The following GLIS3 variants were observed in gnomAD, a reference collection of about 807,000 sequenced individuals.
The protein encoded by GLIS3 is zinc finger protein GLIS3.
GLIS3 carries 53 observed loss-of-function variants against 78.6 expected under a neutral mutation model. That is an observed-to-expected ratio of 0.67 (90% CI 0.54 to 0.85). GLIS3 has a LOEUF of 0.85. GLIS3 is among the 40% of genes least tolerant of loss of function. The pLI, the probability that GLIS3 is intolerant of heterozygous loss-of-function variation, is 0.00. For missense variants in GLIS3, 1,703 were observed against 1,231.1 expected (o/e 1.38, Z -5.74); for synonymous variants, 684 against 509.9 (o/e 1.34, Z -4.60).
At chr9:4,273,577 A>G (rs34523277) in intron 2 of GLIS3, among the ~76,000 whole-genome samples, 46,517 of 149,408 alleles carry the variant, frequency 0.31, 7,888 homozygotes, top group Non-Finnish European at 0.36. Flanking sequence ...TGGGTGACAG[A>G]GCAAGACCTT....
the GLIS3 span, among the ~76,000 whole-genome samples, chr9:4,359,028 G>C: frequency 2.0e-5 from 3 of 152,280 alleles, no homozygotes; most frequent in African/African-American, 4.8e-5. Flanking sequence ...GTGGCTTGTA[G>C]AGGCAGAGAC....
chr9:4,193,743 T>C (rs954955034), intron 2 of GLIS3, among the ~76,000 whole-genome samples: 1 of 152,258 alleles, frequency 6.6e-6, no homozygotes, highest in African/African-American at 2.4e-5. Context: ...CTTGAGGATC[T>C]GTCTGTGCAG....
chr9:4,028,026 G>A (rs368737189), intron 4 of GLIS3, among the ~76,000 whole-genome samples: 2 of 152,006 alleles, frequency 1.3e-5, no homozygotes, highest in African/African-American at 2.4e-5. Context: ...AGCGCAACCC[G>A]GATCCACTAC....
In GLIS3 at chr9:4,059,804, T is replaced by TTGTGTGTGTG. The variant is rs138674422; in HGVS notation, c.1710+57954_1710+57963dup. 2.6e-3 allele frequency among the ~76,000 whole-genome samples: 285 copies of TTGTGTGTGTG among 107,638 alleles called. 8 individuals are homozygous for TTGTGTGTGTG. Among genetic ancestry groups the TTGTGTGTGTG allele is most frequent in the East Asian group, 0.018 (60 of 3,252 alleles). The allele number at this position is 107,638 out of a possible 152,430, so 70.6% of individuals were successfully genotyped here. On this transcript the variant is annotated intron_variant, in intron 4 of 10. Transcript: ENST00000381971. ...GGGCTTGTCACTTACTCAGCTTTAT[T>TTGTGTGTGTG]TGTGTGTGTGTGTGTGTGTGTGTGT... is the stretch of plus-strand genomic sequence containing the variant.
chr9:4,462,662 C>T, the GLIS3 span, among the ~76,000 whole-genome samples: 16 of 151,432 alleles, frequency 1.1e-4, no homozygotes, highest in Non-Finnish European at 2.1e-4. Context: ...CACACACACA[C>T]ATTAGCTGGG....
At chr9:3,898,515 T>A (rs1038827734) in intron 7 of GLIS3, 176 bp downstream of exon 7, 5 of 715,644 alleles carry the variant, frequency 7.0e-6, no homozygotes, top group Non-Finnish European at 1.3e-5. Flanking sequence ...GAAAAAACAA[T>A]CTGCTGCCAC....
the GLIS3 span, among the ~76,000 whole-genome samples, chr9:4,381,155 A>C: frequency 6.6e-6 from 1 of 152,224 alleles, no homozygotes; most frequent in Admixed American, 6.5e-5. Context: ...GAATGACTTT[A>C]CATTTTTAAG....
chr9:4,257,298 C>G (rs541696962), intron 2 of GLIS3, among the ~76,000 whole-genome samples: 1 of 151,856 alleles, frequency 6.6e-6, no homozygotes, highest in African/African-American at 2.4e-5. Context: ...AAATTGAATA[C>G]AGTACATAGA....
At position 4,206,939 on chromosome 9, in the gene GLIS3, G is replaced by A. The variant is rs530158073; in HGVS notation, c.388+79099C>T. Among the ~76,000 whole-genome samples, 4 of 152,306 alleles carry A rather than the reference G, an allele frequency of 2.6e-5. No homozygotes were observed. The East Asian group carries it at 5.8e-4, about 22-fold the overall frequency. ...TCCATGATACTGACAAACAACAACTGCTTAATATCCTTATTTGGACATTCG... is the reference window on the plus strand; with the variant it reads ...TCCATGATACTGACAAACAACAACTACTTAATATCCTTATTTGGACATTCG... On this transcript the variant is annotated intron_variant, in intron 2 of 10. Coordinates refer to ENST00000381971, the MANE Select transcript of GLIS3 (RefSeq NM_001042413.2).
chr9:4,280,985 T>C lies in GLIS3; in HGVS notation c.388+5053A>G, dbSNP rs182079348. On this transcript the variant is annotated intron_variant, in intron 2 of 10. Coordinates refer to ENST00000381971, the MANE Select transcript of GLIS3 (RefSeq NM_001042413.2). Reference sequence around the variant, plus strand: ...GCTCAGTGTTTCAGTAATTTTTTCTTGGTTCCCCTAGGCCAAAAGAAACAC... The same window carrying C: ...GCTCAGTGTTTCAGTAATTTTTTCTCGGTTCCCCTAGGCCAAAAGAAACAC... 3.9e-5 allele frequency among the ~76,000 whole-genome samples: 6 copies of C among 152,356 alleles called. No homozygotes were observed. In the East Asian group the frequency reaches 5.8e-4, roughly 15 times the overall value.
At chr9:3,884,660 T>A (rs145468117) in intron 7 of GLIS3, among the ~76,000 whole-genome samples, 45 of 152,260 alleles carry the variant, frequency 3.0e-4, no homozygotes, top group African/African-American at 1.1e-3. Context: ...TATTGAGCAT[T>A]TATAATGTGC....
intron 4 of GLIS3, among the ~76,000 whole-genome samples, chr9:4,081,884 C>T (rs898778049): frequency 6.6e-6 from 1 of 152,114 alleles, no homozygotes; most frequent in African/African-American, 2.4e-5. Flanking sequence ...TTTTTGTATT[C>T]TCAAACTTGA....
At chr9:4,193,357 G>A (rs1444443192) in intron 2 of GLIS3, among the ~76,000 whole-genome samples, 3 of 152,214 alleles carry the variant, frequency 2.0e-5, no homozygotes, top group African/African-American at 7.2e-5. Flanking sequence ...TAGTGTCAAT[G>A]GCTGCTATCA....
chr9:4,356,428 A>C, the GLIS3 span, among the ~76,000 whole-genome samples: 1 of 152,248 alleles, frequency 6.6e-6, no homozygotes, highest in Non-Finnish European at 1.5e-5. Context: ...CTGGCCTCAG[A>C]AAAGTTGTAT....
intron 1 of GLIS3, among the ~76,000 whole-genome samples, chr9:4,292,599 A>G (rs1189613701): frequency 1.3e-5 from 2 of 152,218 alleles, no homozygotes; most frequent in Admixed American, 6.5e-5. Context: ...TAAGGATTCA[A>G]TGATACAAAG....
chr9:4,377,495 C>T, the GLIS3 span, among the ~76,000 whole-genome samples: 24 of 135,274 alleles, frequency 1.8e-4, 5 homozygotes, highest in Non-Finnish European at 3.8e-4. Context: ...CCTCAGCTTA[C>T]AGACGGCCTA....
In GLIS3 at chr9:3,879,542, C is replaced by A. The variant is rs200252471; in HGVS notation, c.2182G>T (p.Val728Leu). 6.2e-7 allele frequency: 1 copy of A among 1,613,876 alleles called. No homozygotes were observed. Among genetic ancestry groups the A allele is most frequent in the African/African-American group, 1.3e-5 (1 of 74,858 alleles). The change falls in exon 8 of 11, where the codon GTA (valine) becomes TTA (leucine). Residue 728 changes from valine to leucine, a missense_variant. By Grantham distance (32) the Val-to-Leu change is conservative. Transcript: ENST00000381971. ...TGACTGACAGGATGTGGGGGTGGTACGGCCCCAGCAGCTGTTCCACTTCGG... is the reference window on the plus strand; with the variant it reads ...TGACTGACAGGATGTGGGGGTGGTAAGGCCCCAGCAGCTGTTCCACTTCGG... Reference protein sequence around the residue: ...SSRSGTAAGAVPPPHPVSHPS... With the variant: ...SSRSGTAAGALPPPHPVSHPS...
intron 4 of GLIS3, among the ~76,000 whole-genome samples, chr9:4,014,941 T>C (rs545473599): frequency 2.6e-5 from 4 of 152,304 alleles, no homozygotes; most frequent in South Asian, 2.1e-4. Flanking sequence ...TGCGCCAGAC[T>C]CTGGAAATGA....
chr9:3,989,010 A>G (rs1208362183), intron 4 of GLIS3, among the ~76,000 whole-genome samples: 1 of 152,156 alleles, frequency 6.6e-6, no homozygotes, highest in East Asian at 1.9e-4. Context: ...CACATATCCA[A>G]CTAACGACCA....
Sources: gnomAD v4.1 joint callset for allele counts (sites outside exome capture counted in the v4.1 genomes callset) on GRCh38, gnomAD v4.1.1 for gene constraint, MANE v1.5 for transcripts, NCBI Gene and HGNC (gene_info 2026-07-23, HGNC 2026-07-21) for gene names.